KIAA0232: variants seen among roughly 807,000 people sequenced by gnomAD.
KIAA0232 encodes uncharacterized protein KIAA0232.
In KIAA0232, 27 loss-of-function variants were observed where a neutral mutation model predicts 122.0. The observed-to-expected ratio is 0.22, with a 90% CI of 0.16 to 0.31. KIAA0232 has a LOEUF of 0.31. Ranked by LOEUF, KIAA0232 falls within the 10% of genes least tolerant of loss-of-function variation. The pLI, the probability that KIAA0232 is intolerant of heterozygous loss-of-function variation, is 1.00. For synonymous variants in KIAA0232, 613 were observed against 587.6 expected, an observed-to-expected ratio of 1.04 and a Z score of -0.63; for missense variants, 1,551 against 1,634.2, an observed-to-expected ratio of 0.95 and a Z score of 0.88.
chr4:6,787,470 C>T (rs1716679549), intron 1 of KIAA0232, among the ~76,000 whole-genome samples: 1 of 152,174 alleles, frequency 6.6e-6, no homozygotes, highest in South Asian at 2.1e-4. Flanking sequence ...AGAGGCTATG[C>T]TTTGTGTACT....
chr4:6,821,159 T>C (rs538590294), intron 2 of KIAA0232, among the ~76,000 whole-genome samples: 1 of 152,364 alleles, frequency 6.6e-6, no homozygotes, highest in East Asian at 1.9e-4. Flanking sequence ...CCTTCAGTTT[T>C]TGCATATCAG....
intron 1 of KIAA0232, among the ~76,000 whole-genome samples, chr4:6,784,413 A>C (rs1716513821): frequency 6.7e-6 from 1 of 150,010 alleles, no homozygotes; most frequent in Non-Finnish European, 1.5e-5. Flanking sequence ...TCGTGGACTT[A>C]GAATTTAAAG....
chr4:6,833,151 A>C (rs1466330538), intron 3 of KIAA0232, among the ~76,000 whole-genome samples: 1 of 152,228 alleles, frequency 6.6e-6, no homozygotes, highest in African/African-American at 2.4e-5. Context: ...AATCTTTAAC[A>C]ATAGGAACTG....
Position 6,831,017 on chromosome 4 carries a change from T to C in KIAA0232, c.231+6333T>C, listed in dbSNP as rs569777884. On this transcript the variant is annotated intron_variant, in intron 3 of 9. Transcript: ENST00000307659. ...ACTACCTTTGTACAAAGTAGTGCTT[T>C]CTTTCTCTTTTTTTTTATTTTTTAT... Among the ~76,000 whole-genome samples, 23 of 152,148 alleles carry C rather than the reference T, an allele frequency of 1.5e-4. No individual in the cohort carries two copies. The East Asian group carries it at 4.3e-3, about 28-fold the overall frequency.
chr4:6,784,749 T>A (rs1023009158), intron 1 of KIAA0232, among the ~76,000 whole-genome samples: 3 of 152,178 alleles, frequency 2.0e-5, no homozygotes, highest in African/African-American at 7.2e-5. Context: ...ATGCCAGTTT[T>A]TAAACATTGA....
intron 3 of KIAA0232, among the ~76,000 whole-genome samples, chr4:6,827,601 T>C (rs1718760567): frequency 1.3e-5 from 2 of 152,252 alleles, no homozygotes; most frequent in Non-Finnish European, 2.9e-5. Flanking sequence ...ACCCATCACT[T>C]TTCTGTTTTA....
At chr4:6,787,048 G>C (rs574733797) in intron 1 of KIAA0232, among the ~76,000 whole-genome samples, 18 of 152,038 alleles carry the variant, frequency 1.2e-4, no homozygotes, top group African/African-American at 3.9e-4. Context: ...GGGCATGGTG[G>C]AGCACGCCTA....
At chr4:6,789,734 A>G (rs954894153) in intron 1 of KIAA0232, among the ~76,000 whole-genome samples, 3 of 152,234 alleles carry the variant, frequency 2.0e-5, no homozygotes, top group East Asian at 1.9e-4. Flanking sequence ...GGCTTAAGAA[A>G]GTCTGGAAAA....
At chr4:6,822,293 A>G (rs1426682763) in intron 2 of KIAA0232, among the ~76,000 whole-genome samples, 2 of 152,222 alleles carry the variant, frequency 1.3e-5, no homozygotes, top group Non-Finnish European at 2.9e-5. Context: ...TAAAAGTAGC[A>G]AAACATGTAT....
At chr4:6,819,835 C>A (rs111754948) in intron 2 of KIAA0232, among the ~76,000 whole-genome samples, 21 of 151,958 alleles carry the variant, frequency 1.4e-4, no homozygotes. Flanking sequence ...AGCAAAGATA[C>A]GGAATCAACC....
At chr4:6,795,004 TA>T (rs1035852879) in intron 1 of KIAA0232, among the ~76,000 whole-genome samples, 21 of 152,304 alleles carry the variant, frequency 1.4e-4, no homozygotes, top group African/African-American at 5.1e-4. Context: ...GTGGTATTTA[TA>T]ATCATGGGAC....
chr4:6,812,646 A>T (rs181365419), intron 2 of KIAA0232, among the ~76,000 whole-genome samples: 38 of 152,312 alleles, frequency 2.5e-4, no homozygotes, highest in African/African-American at 9.1e-4. Context: ...ATAAAGATAT[A>T]TATGATAAAC....
intron 4 of KIAA0232, among the ~76,000 whole-genome samples, chr4:6,850,132 TGA>T (rs951921771): frequency 6.6e-6 from 1 of 152,200 alleles, no homozygotes; most frequent in African/African-American, 2.4e-5. Flanking sequence ...TGTAAAAATC[TGA>T]GAGTGAGGCA....
At position 6,798,597 on chromosome 4, in the gene KIAA0232, G is replaced by T. The variant is rs574645526; in HGVS notation, c.-353-5926G>T. ...GAGACAGGGTCTCGCTGTCGCACAG[G>T]CTGGAGTGCAGGGGTGTGATTATCG... is the stretch of plus-strand genomic sequence containing the variant. On this transcript the variant is annotated intron_variant, in intron 1 of 9. Transcript: ENST00000307659. Among the ~76,000 whole-genome samples the T allele has an allele frequency of 1.2e-4, 18 of 152,308 alleles. No homozygotes were observed. The South Asian group carries it at 3.7e-3, about 32-fold the overall frequency.
intron 3 of KIAA0232, among the ~76,000 whole-genome samples, chr4:6,837,806 G>C (rs181246688): frequency 4.6e-5 from 7 of 152,150 alleles, no homozygotes; most frequent in African/African-American, 1.4e-4. Context: ...CCCAGGCACC[G>C]GGCAGGCTGA....
At chr4:6,878,613 A>G (rs1560214873) in intron 9 of KIAA0232, among the ~76,000 whole-genome samples, 1 of 152,080 alleles carries the variant, frequency 6.6e-6, no homozygotes, top group East Asian at 1.9e-4. Flanking sequence ...TCTACTACCC[A>G]TTCTGTATTC....
chr4:6,868,253 G>A (rs1238051150), intron 7 of KIAA0232, among the ~76,000 whole-genome samples: 1 of 152,150 alleles, frequency 6.6e-6, no homozygotes, highest in Non-Finnish European at 1.5e-5. Context: ...TTAAGTTTAT[G>A]TCTTCTTTTC....
chr4:6,796,480 G>A (rs753173983), intron 1 of KIAA0232, among the ~76,000 whole-genome samples: 11 of 152,156 alleles, frequency 7.2e-5, no homozygotes, highest in Non-Finnish European at 1.6e-4. Context: ...GACCTCAGGT[G>A]ATCTGCCTGC....
intron 1 of KIAA0232, among the ~76,000 whole-genome samples, chr4:6,787,789 T>C (rs1348812993): frequency 1.3e-5 from 2 of 152,192 alleles, no homozygotes; most frequent in Non-Finnish European, 2.9e-5. Context: ...TCAAATCATA[T>C]CATGACCCAT....
Sources: gnomAD v4.1 joint callset for allele counts (sites outside exome capture counted in the v4.1 genomes callset) on GRCh38, gnomAD v4.1.1 for gene constraint, MANE v1.5 for transcripts, NCBI Gene and HGNC (gene_info 2026-07-23, HGNC 2026-07-21) for gene names.